Variants in CNOT2 observed in about 807,000 individuals in gnomAD.
CNOT2 encodes CCR4-NOT transcription complex subunit 2.
A neutral mutation model predicts 72.1 loss-of-function variants in CNOT2; 7 were observed. The ratio of observed to expected loss-of-function variants is 0.10; its 90% CI spans 0.06 to 0.18. The LOEUF (loss-of-function observed/expected upper bound fraction) is 0.18. Among genes scored for constraint, CNOT2 ranks in the 10% least tolerant of loss-of-function variants. The probability of loss-of-function intolerance (pLI) is 1.00; values close to 1 mark genes in which losing one functional copy is unlikely to be tolerated. For synonymous variants in CNOT2, 196 were observed against 225.6 expected, an observed-to-expected ratio of 0.87 and a Z score of 1.17; for missense variants, 345 against 660.3, an observed-to-expected ratio of 0.52 and a Z score of 5.23.
chr12:70,276,552 C>T (rs978481292), intron 1 of CNOT2, among the ~76,000 whole-genome samples: 2 of 151,886 alleles, frequency 1.3e-5, no homozygotes, highest in Admixed American at 6.6e-5. Context: ...ATCTTGCTTT[C>T]TTTTTGTGAC....
At chr12:70,304,472 G>C (rs560034640) in intron 2 of CNOT2, among the ~76,000 whole-genome samples, 1 of 152,344 alleles carries the variant, frequency 6.6e-6, no homozygotes, top group African/African-American at 2.4e-5. Context: ...GTCCACTCCA[G>C]ACCCTGTTTG....
intron 15 of CNOT2, among the ~76,000 whole-genome samples, chr12:70,348,993 C>G (rs1480486952): frequency 6.6e-6 from 1 of 152,012 alleles, no homozygotes. Context: ...TCAGAAATCT[C>G]TTTCAAGGTA....
intron 2 of CNOT2, among the ~76,000 whole-genome samples, chr12:70,281,954 A>G (rs932959077): frequency 7.4e-6 from 1 of 134,518 alleles, no homozygotes; most frequent in Non-Finnish European, 1.7e-5. Flanking sequence ...TGAACAGTGT[A>G]GATACAGAAC....
intron 1 of CNOT2, among the ~76,000 whole-genome samples, chr12:70,267,548 G>T (rs1429672498): frequency 1.3e-5 from 2 of 152,194 alleles, no homozygotes; most frequent in Admixed American, 1.3e-4. Context: ...GGTCCTGGGG[G>T]TTAAGTCTTG....
At chr12:70,294,151 T>C in intron 2 of CNOT2, 8 of 1,289,390 alleles carry the variant, frequency 6.2e-6, no homozygotes, top group Non-Finnish European at 8.1e-6. Context: ...AGCTATGGCG[T>C]CAACCCTGCT....
chr12:70,281,816 T>TTAAATTTAAACTCATTTAAATTAGA (rs1869894219), intron 2 of CNOT2, among the ~76,000 whole-genome samples: 1 of 142,354 alleles, frequency 7.0e-6, no homozygotes, highest in Non-Finnish European at 1.6e-5. Context: ...AAGTAGCTAT[T>TTAAATTTAAACTCATTTAAATTAGA]TAAATTTAAA....
chr12:70,302,831 T>C (rs1379749123), intron 2 of CNOT2, among the ~76,000 whole-genome samples: 2 of 152,332 alleles, frequency 1.3e-5, no homozygotes, highest in Middle Eastern at 3.4e-3. Flanking sequence ...AAGTCTCCCA[T>C]TATTATTGTG....
intron 11 of CNOT2, among the ~76,000 whole-genome samples, chr12:70,340,935 G>A (rs934735819): frequency 5.9e-5 from 7 of 119,504 alleles, no homozygotes; most frequent in East Asian, 2.6e-4. Context: ...TGCTCTTGTC[G>A]CCCAGGCTGG....
intron 2 of CNOT2, among the ~76,000 whole-genome samples, chr12:70,288,377 C>T (rs905123571): frequency 6.6e-6 from 1 of 152,084 alleles, no homozygotes. Context: ...CAACTCCTGA[C>T]CTCAGGTGAT....
At chr12:70,338,220 C>A (rs1880965866) in intron 9 of CNOT2, 2 of 373,354 alleles carry the variant, frequency 5.4e-6, no homozygotes, top group Non-Finnish European at 4.7e-6. Flanking sequence ...GATATTTTCC[C>A]TTGATTTCTT....
intron 1 of CNOT2, among the ~76,000 whole-genome samples, chr12:70,257,353 C>CTTTTTTTTTT (rs1565733065): frequency 5.0e-5 from 7 of 138,934 alleles, no homozygotes; most frequent in African/African-American, 1.6e-4. Flanking sequence ...CCAACTACCC[C>CTTTTTTTTTT]CTTTTTTTTT....
At position 70,337,367 on chromosome 12, in the gene CNOT2, C is replaced by T. The variant is rs558674730; in HGVS notation, c.776-22C>T. ...TATCATAAATATCAATTGCAATTCTCCGGATTATTTTCATTACATAGTTGG... is the reference window on the plus strand; with the variant it reads ...TATCATAAATATCAATTGCAATTCTTCGGATTATTTTCATTACATAGTTGG... On this transcript the variant is annotated intron_variant, in intron 8 of 15. Transcript: ENST00000229195. 1.4e-5 allele frequency: 23 copies of T among 1,591,762 alleles called. No individual in the cohort carries two copies. The African/African-American group carries it at 3.0e-4, about 20-fold the overall frequency.
chr12:70,344,296 A>C (rs909109822), intron 14 of CNOT2, 68 bp downstream of exon 14: 6 of 909,692 alleles, frequency 6.6e-6, no homozygotes, highest in Non-Finnish European at 1.1e-5. Flanking sequence ...AACATCTTTA[A>C]GTGATGATGG....
intron 3 of CNOT2, 70 bp downstream of exon 3, chr12:70,311,087 T>C: frequency 9.1e-7 from 1 of 1,095,552 alleles, no homozygotes. Flanking sequence ...AAAAACAGCA[T>C]ATCAAGTGCA....
intron 2 of CNOT2, among the ~76,000 whole-genome samples, chr12:70,282,789 G>A (rs1450506715): frequency 2.0e-5 from 3 of 151,930 alleles, no homozygotes. Flanking sequence ...AGTATATTGA[G>A]GTACATCTTT....
chr12:70,268,345 T>C (rs1593075839), intron 1 of CNOT2, among the ~76,000 whole-genome samples: 1 of 152,252 alleles, frequency 6.6e-6, no homozygotes, highest in South Asian at 2.1e-4. Context: ...TTTTTGATAC[T>C]TTCTCTTGTC....
At position 70,338,594 on chromosome 12, in the gene CNOT2, T is replaced by C. The variant is rs778224320; in HGVS notation, c.1021+31T>C. The C allele has an allele frequency of 3.2e-5, 52 of 1,600,134 alleles. No individual in the cohort carries two copies. In the Middle Eastern group the frequency reaches 8.4e-4, roughly 26 times the overall value. On this transcript the variant is annotated intron_variant, in intron 10 of 15. Coordinates refer to ENST00000229195, the MANE Select transcript of CNOT2 (RefSeq NM_014515.7). ...ACTCTAGAAATCTATGTCAAAGATA[T>C]TATAGAATGCTTTTTTTTCTATTTT...
chr12:70,310,291 G>GA (rs1344866546), intron 2 of CNOT2, among the ~76,000 whole-genome samples: 1 of 151,924 alleles, frequency 6.6e-6, no homozygotes, highest in Non-Finnish European at 1.5e-5. Context: ...ACAAAGACTG[G>GA]AAAAACAAAT....
At chr12:70,299,873 T>C (rs1020353377) in intron 2 of CNOT2, among the ~76,000 whole-genome samples, 43 of 152,328 alleles carry the variant, frequency 2.8e-4, no homozygotes, top group African/African-American at 1.0e-3. Context: ...CTCCACATCC[T>C]CTCTAGCACC....
Sources: gnomAD v4.1 joint callset for allele counts (sites outside exome capture counted in the v4.1 genomes callset) on GRCh38, gnomAD v4.1.1 for gene constraint, MANE v1.5 for transcripts, NCBI Gene and HGNC (gene_info 2026-07-23, HGNC 2026-07-21) for gene names.